The following ZNF423 variants were observed in gnomAD, a reference collection of about 807,000 sequenced individuals.
The protein encoded by ZNF423 is Ebf-associated zinc finger protein.
Under a neutral mutation model 95.8 loss-of-function variants are expected in ZNF423, and 12 were observed. The observed-to-expected ratio is 0.13, with a 90% CI of 0.08 to 0.20. The LOEUF is 0.20. Among genes scored for constraint, ZNF423 ranks in the 10% least tolerant of loss-of-function variants. ZNF423 has a pLI of 1.00. For missense variants in ZNF423, 1,316 were observed against 1,737.1 expected (o/e 0.76, Z 4.31); for synonymous variants, 749 against 711.9 (o/e 1.05, Z -0.83).
intron 5 of ZNF423, among the ~76,000 whole-genome samples, chr16:49,538,634 C>T (rs898832498): frequency 6.6e-6 from 1 of 152,290 alleles, no homozygotes; most frequent in East Asian, 1.9e-4. Context: ...CCTAACACCC[C>T]TACTTTTGGC....
At position 49,638,114 on chromosome 16, in the gene ZNF423, C is replaced by T. The variant is rs1400739360; in HGVS notation, c.1062G>A (p.Arg354=). The T allele has an allele frequency of 1.9e-5, 30 of 1,613,092 alleles. No individual in the cohort carries two copies. Among genetic ancestry groups the T allele is most frequent in the Non-Finnish European group, 2.5e-5 (29 of 1,180,002 alleles). The change falls in exon 4 of 8, where the codon CGG becomes CGA. Residue 354 remains arginine (R), a synonymous_variant. Transcript: ENST00000563137. This position sits in a 1 kb window ranked among gnomAD's most constrained non-coding sequence, Gnocchi z 5.6. ...CACTGTGGTTGCTGGAGTCGGGCTG[C>T]CGGTGGCTGTCCAGGTGGCAGTAGA... The part of the protein sequence containing the change: ...EGVYCHLDSH[R]QPDSSNHSVS...
intron 7 of ZNF423, among the ~76,000 whole-genome samples, chr16:49,514,858 A>C (rs1467191404): frequency 2.6e-5 from 4 of 152,130 alleles, no homozygotes; most frequent in Admixed American, 6.5e-5. Flanking sequence ...CCCCAAAACC[A>C]TCTTCATCAA....
chr16:49,820,065 GATGGATGC>G (rs1448097874), intron 1 of ZNF423, among the ~76,000 whole-genome samples: 177 of 150,054 alleles, frequency 1.2e-3, no homozygotes, highest in African/African-American at 4.3e-3. Flanking sequence ...TGGATGGATG[GATGGATGC>G]ATGGATGGAT....
intron 3 of ZNF423, among the ~76,000 whole-genome samples, chr16:49,643,003 T>C (rs1326578016): frequency 6.6e-6 from 1 of 152,000 alleles, no homozygotes; most frequent in East Asian, 1.9e-4. Flanking sequence ...GTATTTTTAG[T>C]AGAGACAGGG....
At chr16:49,825,340 C>T (rs2034993967) in intron 1 of ZNF423, among the ~76,000 whole-genome samples, 1 of 152,148 alleles carries the variant, frequency 6.6e-6, no homozygotes, top group South Asian at 2.1e-4. Flanking sequence ...CTGAAACATA[C>T]ACACACCCTA....
rs571536165 is a variant in ZNF423 at position 49,823,386 on chromosome 16, G to A, written c.40+32349C>T. On this transcript the variant is annotated intron_variant, in intron 1 of 7. Coordinates refer to ENST00000563137, the MANE Select transcript of ZNF423 (RefSeq NM_001379286.1). ...ATTATCTTGTTTAATCTTCACAGCT[G>A]TGCAGAAAAAAACGAGTGTTAATGC... is the stretch of plus-strand genomic sequence containing the variant. 5.9e-5 allele frequency among the ~76,000 whole-genome samples: 9 copies of A among 152,244 alleles called. No individual in the cohort carries two copies. In the East Asian group the frequency reaches 9.7e-4, roughly 16 times the overall value.
chr16:49,620,634 C>T (rs892915564), intron 5 of ZNF423, among the ~76,000 whole-genome samples: 1 of 152,216 alleles, frequency 6.6e-6, no homozygotes, highest in African/African-American at 2.4e-5. Context: ...CCATCCCTTC[C>T]CAGCCCTGAC....
intron 5 of ZNF423, among the ~76,000 whole-genome samples, chr16:49,559,396 C>T (rs189970975): frequency 9.8e-5 from 15 of 152,300 alleles, no homozygotes; most frequent in Admixed American, 4.6e-4. Context: ...GGCCAGATGG[C>T]GAGAGATTTC....
intron 5 of ZNF423, among the ~76,000 whole-genome samples, chr16:49,611,094 G>A (rs1971705066): frequency 6.6e-6 from 1 of 151,938 alleles, no homozygotes; most frequent in Non-Finnish European, 1.5e-5. Context: ...ATGACTGATA[G>A]GACAACTACG....
At position 49,789,539 on chromosome 16, in the gene ZNF423, C is replaced by T. The variant is rs959183567; in HGVS notation, c.48G>A (p.Glu16=). The change falls in exon 2 of 8, where the codon GAG becomes GAA. Residue 16 remains glutamate (E), a synonymous_variant. Transcript: ENST00000563137. ...QAKPRSVKVE[E]GEASDFSLAW... The stretch of plus-strand genomic sequence containing the variant: ...CCAGCGAGAAGTCTGAGGCCTCCCC[C>T]TCTTCAACTGAAAGAGAGAACAGAG... 3 of 1,612,046 alleles carry T rather than the reference C, an allele frequency of 1.9e-6. No individual in the cohort carries two copies. Among genetic ancestry groups the T allele is most frequent in the African/African-American group, 1.3e-5 (1 of 74,880 alleles).
chr16:49,609,631 A>G (rs1971655618), intron 5 of ZNF423, among the ~76,000 whole-genome samples: 1 of 152,138 alleles, frequency 6.6e-6, no homozygotes, highest in Non-Finnish European at 1.5e-5. Flanking sequence ...AAGAGAGAAG[A>G]GAAAAAAAGA....
chr16:49,618,337 C>G (rs565557728), intron 5 of ZNF423, among the ~76,000 whole-genome samples: 1 of 152,180 alleles, frequency 6.6e-6, no homozygotes, highest in Non-Finnish European at 1.5e-5. Flanking sequence ...CTGACTGATA[C>G]GGTTTAGCTC....
At chr16:49,531,799 C>A (rs1212367920) in intron 5 of ZNF423, among the ~76,000 whole-genome samples, 2 of 152,116 alleles carry the variant, frequency 1.3e-5, no homozygotes, top group African/African-American at 4.8e-5. Flanking sequence ...TGGAGGATGA[C>A]CATGGGAGCC....
At chr16:49,605,739 G>A (rs1380721569) in intron 5 of ZNF423, among the ~76,000 whole-genome samples, 1 of 152,228 alleles carries the variant, frequency 6.6e-6, no homozygotes, top group African/African-American at 2.4e-5. Context: ...CCACTCTGAA[G>A]AGTGGAGTCA....
intron 7 of ZNF423, among the ~76,000 whole-genome samples, chr16:49,513,267 C>T (rs993136796): frequency 1.3e-5 from 2 of 152,166 alleles, no homozygotes; most frequent in African/African-American, 4.8e-5. Context: ...CAACTTCAGG[C>T]CACACCCATC....
At chr16:49,761,052 G>GCAAA (rs1555483182) in intron 2 of ZNF423, among the ~76,000 whole-genome samples, 1 of 150,726 alleles carries the variant, frequency 6.6e-6, no homozygotes, top group Admixed American at 6.6e-5. Flanking sequence ...ACACATACAT[G>GCAAA]CACACACACA....
chr16:49,519,496 C>T (rs1968296804), intron 7 of ZNF423, among the ~76,000 whole-genome samples: 2 of 152,134 alleles, frequency 1.3e-5, no homozygotes, highest in Admixed American at 1.3e-4. Flanking sequence ...TTTCACTTGC[C>T]CTTCCCTAAT....
chr16:49,579,875 A>T (rs151076880), intron 5 of ZNF423, among the ~76,000 whole-genome samples: 42 of 152,278 alleles, frequency 2.8e-4, no homozygotes, highest in Admixed American at 2.7e-3. Context: ...ATCCAGACCA[A>T]CACACCTTCC....
chr16:49,759,860 C>G (rs2033795283), intron 2 of ZNF423, among the ~76,000 whole-genome samples: 1 of 152,102 alleles, frequency 6.6e-6, no homozygotes, highest in South Asian at 2.1e-4. Flanking sequence ...CCTGCTGCAC[C>G]TGCCCTTTGG....
Sources: allele counts gnomAD v4.1 joint callset (sites outside exome capture counted in the v4.1 genomes callset), GRCh38; gene constraint gnomAD v4.1.1; non-coding constraint Gnocchi (gnomAD v3.1); transcripts MANE v1.5; gene names NCBI Gene and HGNC (gene_info 2026-07-23, HGNC 2026-07-21).